Variants in LRRC8C observed in about 807,000 individuals in gnomAD.
The protein encoded by LRRC8C is volume-regulated anion channel subunit LRRC8C.
LRRC8C carries 20 observed loss-of-function variants against 55.3 expected under a neutral mutation model. The ratio of observed to expected loss-of-function variants is 0.36; its 90% CI spans 0.25 to 0.53. The LOEUF (loss-of-function observed/expected upper bound fraction) is 0.53. Ranked by LOEUF, LRRC8C falls within the 20% of genes least tolerant of loss-of-function variation. The pLI, the probability that LRRC8C is intolerant of heterozygous loss-of-function variation, is 0.92. For missense variants in LRRC8C, 659 were observed against 951.4 expected (o/e 0.69, Z 4.04); for synonymous variants, 376 against 360.7 (o/e 1.04, Z -0.48).
chr1:89,699,898 T>C (rs1658271509), intron 2 of LRRC8C, among the ~76,000 whole-genome samples: 1 of 152,214 alleles, frequency 6.6e-6, no homozygotes, highest in South Asian at 2.1e-4. Flanking sequence ...GTACTTAAAA[T>C]ATTTTCAATA....
chr1:89,667,109 C>A lies in LRRC8C; in HGVS notation c.-4-19361C>A, dbSNP rs528705006. ...CTGAAGGAAGTGAGAAAACAATATT[C>A]ATGCCAATATCTGGTGGCAGAATGC... On this transcript the variant is annotated intron_variant, in intron 1 of 2. Transcript: ENST00000370454. Among the ~76,000 whole-genome samples, 6 of 152,262 alleles carry A rather than the reference C, an allele frequency of 3.9e-5. No homozygotes were observed. The South Asian group carries it at 1.2e-3, about 32-fold the overall frequency.
chr1:89,646,292 G>A (rs7529653), intron 1 of LRRC8C, among the ~76,000 whole-genome samples: 84,678 of 151,898 alleles, frequency 0.56, 24,026 homozygotes, highest in East Asian at 0.79. Flanking sequence ...CCCTACTGAC[G>A]TTAAAAGGAT....
At position 89,686,644 on chromosome 1, in the gene LRRC8C, C is replaced by T. The variant is rs749602831; in HGVS notation, c.138+33C>T. On this transcript the variant is annotated intron_variant, in intron 2 of 2. Transcript: ENST00000370454. ...CCTAGATCCCTGGCAAAATGGGGGC[C>T]AGAGCAAAGCACAAGTCATTGAAAC... 1.2e-5 allele frequency: 19 copies of T among 1,611,108 alleles called. No individual in the cohort carries two copies. In the South Asian group the frequency reaches 2.1e-4, roughly 18 times the overall value.
At position 89,668,932 on chromosome 1, in the gene LRRC8C, A is replaced by G. The variant is rs144807449; in HGVS notation, c.-4-17538A>G. ...TTCTTCTGTTTTTATAAATAATTCT[A>G]TTTTAGTGTGGTACCTCAAATTAGG... On this transcript the variant is annotated intron_variant, in intron 1 of 2. Transcript: ENST00000370454. 9.1e-4 allele frequency among the ~76,000 whole-genome samples: 139 copies of G among 152,250 alleles called. No homozygotes were observed. In the Middle Eastern group the frequency reaches 0.01, roughly 11 times the overall value.
chr1:89,636,837 T>TTA (rs553420150), intron 1 of LRRC8C, among the ~76,000 whole-genome samples: 95 of 152,344 alleles, frequency 6.2e-4, no homozygotes, highest in African/African-American at 2.2e-3. Context: ...AAAATTTTTT[T>TTA]AAAATTCTTA....
the LRRC8C span, among the ~76,000 whole-genome samples, chr1:89,622,527 G>T: frequency 6.6e-6 from 1 of 152,002 alleles, no homozygotes; most frequent in Admixed American, 6.6e-5. Context: ...TAGAGACGGG[G>T]TTTCACTGTG....
intron 2 of LRRC8C, among the ~76,000 whole-genome samples, chr1:89,705,009 A>T (rs537978170): frequency 8.1e-4 from 123 of 152,008 alleles, no homozygotes; most frequent in African/African-American, 2.7e-3. Context: ...AATAGCAAAG[A>T]CTTGGAACCA....
chr1:89,617,474 T>G, the LRRC8C span, among the ~76,000 whole-genome samples: 2 of 152,238 alleles, frequency 1.3e-5, no homozygotes, highest in African/African-American at 4.8e-5. Context: ...GGAAGCAGTT[T>G]AATCATTTTG....
Position 89,643,242 on chromosome 1 carries a change from C to T in LRRC8C, c.-5+9920C>T, listed in dbSNP as rs1481184431. 5.3e-5 allele frequency among the ~76,000 whole-genome samples: 8 copies of T among 152,314 alleles called. No individual in the cohort carries two copies. The East Asian group carries it at 1.3e-3, about 26-fold the overall frequency. Reference sequence around the variant, plus strand: ...GAGTAGCTGGAAGCACAGGCACACGCCACCACACCCAGCTATTTTTTGTGG... The same window carrying T: ...GAGTAGCTGGAAGCACAGGCACACGTCACCACACCCAGCTATTTTTTGTGG... On this transcript the variant is annotated intron_variant, in intron 1 of 2. Transcript: ENST00000370454.
In LRRC8C at chr1:89,712,978, G is replaced by C. The variant is rs372367696; in HGVS notation, c.408G>C (p.Leu136=). The C allele has an allele frequency of 6.2e-7, 1 of 1,614,032 alleles. No individual in the cohort carries two copies. Residue 136 remains leucine (L), a synonymous_variant, in exon 3 of 3, where the codon CTG becomes CTC. Transcript: ENST00000370454. ...CTTACCTTGTCCTCATCCATACCCT[G>C]GTCTTTATGCTCTGCAGTAACTTTT... ...YFPYLVLIHT[L]VFMLCSNFWF...
chr1:89,708,903 C>T (rs2101348578), intron 2 of LRRC8C, among the ~76,000 whole-genome samples: 1 of 152,304 alleles, frequency 6.6e-6, no homozygotes, highest in South Asian at 2.1e-4. Context: ...GATGTGTTCC[C>T]TCAGCAACAT....
At chr1:89,685,198 A>C (rs1657836897) in intron 1 of LRRC8C, among the ~76,000 whole-genome samples, 1 of 144,776 alleles carries the variant, frequency 6.9e-6, no homozygotes, top group Non-Finnish European at 1.5e-5. Flanking sequence ...GGCTCACTGC[A>C]AGCTCCGCTT....
intron 1 of LRRC8C, among the ~76,000 whole-genome samples, chr1:89,684,756 C>T (rs1317843925): frequency 1.3e-5 from 2 of 152,160 alleles, no homozygotes; most frequent in Non-Finnish European, 2.9e-5. Context: ...AGTTTGCCTG[C>T]AATACATGTT....
Position 89,712,921 on chromosome 1 carries a change from G to A in LRRC8C, c.351G>A (p.Glu117=). The A allele has an allele frequency of 1.9e-6, 3 of 1,613,852 alleles. No homozygotes were observed. The highest frequency in any genetic ancestry group is 1.1e-5 in the South Asian group (1 of 91,082). Reference sequence around the variant, plus strand: ...GCTTTATAAATCAGATGTGTTATGAGCGAGCCCTCCACTGGTATGCCAAGT... The same window carrying A: ...GCTTTATAAATCAGATGTGTTATGAACGAGCCCTCCACTGGTATGCCAAGT... The part of the protein sequence containing the change: ...QYSFINQMCY[E]RALHWYAKYF... Residue 117 remains glutamate, a synonymous_variant, in exon 3 of 3, where the codon GAG becomes GAA. Transcript: ENST00000370454.
chr1:89,709,284 G>A (rs533508766), intron 2 of LRRC8C, among the ~76,000 whole-genome samples: 1 of 152,252 alleles, frequency 6.6e-6, no homozygotes, highest in African/African-American at 2.4e-5. Context: ...ACTTGTGCAG[G>A]TCACTGAAGT....
chr1:89,622,602 G>A, the LRRC8C span, among the ~76,000 whole-genome samples: 9 of 152,036 alleles, frequency 5.9e-5, no homozygotes, highest in Non-Finnish European at 7.4e-5. Context: ...CAAAGTGCTG[G>A]GATTACAGGG....
At chr1:89,687,743 A>G (rs1332665600) in intron 2 of LRRC8C, among the ~76,000 whole-genome samples, 1 of 152,232 alleles carries the variant, frequency 6.6e-6, no homozygotes, top group African/African-American at 2.4e-5. Flanking sequence ...CAACTACGTC[A>G]TTAGAAATCT....
Position 89,717,173 on chromosome 1 carries a change from C to T in LRRC8C, c.*2191C>T, listed in dbSNP as rs528961401. On this transcript the variant is annotated 3_prime_UTR_variant, in exon 3 of 3. Transcript: ENST00000370454. ...TGTTTTAAACAAATAATTTGTTGGCCGATTGTCCATGGTTGAGCATGACAA... is the reference window on the plus strand; with the variant it reads ...TGTTTTAAACAAATAATTTGTTGGCTGATTGTCCATGGTTGAGCATGACAA... The T allele has an allele frequency of 8.6e-5, 13 of 151,956 alleles. No individual in the cohort carries two copies. Among genetic ancestry groups the T allele is most frequent in the Admixed American group, 2.6e-4 (4 of 15,258 alleles). 9.4% of individuals were successfully genotyped at this position (151,956 alleles called of 1,614,324 possible).
At chr1:89,630,968 T>C (rs770987004), upstream of LRRC8C, among the ~76,000 whole-genome samples, 1 of 152,200 alleles carries the variant, frequency 6.6e-6, no homozygotes, top group South Asian at 2.1e-4. Context: ...AACTACCCAG[T>C]TGATCCAATT....
Sources: gnomAD v4.1 joint callset for allele counts (sites outside exome capture counted in the v4.1 genomes callset) on GRCh38, gnomAD v4.1.1 for gene constraint, MANE v1.5 for transcripts, NCBI Gene and HGNC (gene_info 2026-07-23, HGNC 2026-07-21) for gene names.